Variants in SENP1 observed in about 807,000 individuals in gnomAD.
SENP1 encodes sentrin-specific protease 1.
Under a neutral mutation model 93.0 loss-of-function variants are expected in SENP1, and 21 were observed. The ratio of observed to expected loss-of-function variants is 0.23; its 90% CI spans 0.16 to 0.33. The LOEUF (loss-of-function observed/expected upper bound fraction) is 0.33, where lower values mean the gene tolerates loss of function less well. Among genes scored for constraint, SENP1 ranks in the 10% least tolerant of loss-of-function variants. SENP1 has a pLI of 1.00. For missense variants in SENP1, 591 were observed against 758.7 expected (o/e 0.78, Z 2.60); for synonymous variants, 256 against 259.6 (o/e 0.99, Z 0.13).
At chr12:48,087,474 G>T (rs1423500208) in intron 5 of SENP1, among the ~76,000 whole-genome samples, 1 of 152,002 alleles carries the variant, frequency 6.6e-6, no homozygotes, top group African/African-American at 2.4e-5. Flanking sequence ...AATCTTTAAT[G>T]AAGACAAAAT....
intron 1 of SENP1, chr12:48,105,430 T>C (rs770417103): frequency 3.9e-6 from 2 of 518,774 alleles, no homozygotes; most frequent in African/African-American, 1.9e-5. Context: ...GTAAGCAAAT[T>C]GTGGCAGTTA....
chr12:48,102,510 G>A (rs1022330482), intron 1 of SENP1, among the ~76,000 whole-genome samples: 2 of 150,394 alleles, frequency 1.3e-5, no homozygotes, highest in African/African-American at 4.9e-5. Context: ...ACATATCCTC[G>A]GCACATATGG....
At chr12:48,064,164 T>C (rs969715511) in intron 12 of SENP1, among the ~76,000 whole-genome samples, 1 of 152,242 alleles carries the variant, frequency 6.6e-6, no homozygotes, top group African/African-American at 2.4e-5. Flanking sequence ...CTGTATTTTA[T>C]ATCTCTGGTC....
intron 5 of SENP1, among the ~76,000 whole-genome samples, chr12:48,086,655 A>AT (rs1438570160): frequency 6.6e-6 from 1 of 152,150 alleles, no homozygotes; most frequent in African/African-American, 2.4e-5. Flanking sequence ...AATACAGGTG[A>AT]TTTTTTGACA....
In SENP1 at chr12:48,090,365, A is replaced by T. The variant is rs57783574; in HGVS notation, c.221-1405T>A. ...GAGGCATCGGTCTGTCAAAAATGCA[A>T]ATTACCCTAACAGGTGTGAAATTTG... On this transcript the variant is annotated intron_variant, in intron 4 of 17. Coordinates refer to ENST00000549518, the MANE Select transcript of SENP1 (RefSeq NM_001267594.2). Among the ~76,000 whole-genome samples the T allele has an allele frequency of 4.8e-3, 724 of 152,360 alleles. 7 individuals carry two copies. Among genetic ancestry groups the T allele is most frequent in the African/African-American group, 0.016 (649 of 41,596 alleles).
chr12:48,078,346 T>C (rs1253440610), intron 6 of SENP1, among the ~76,000 whole-genome samples: 2 of 121,286 alleles, frequency 1.6e-5, no homozygotes, highest in African/African-American at 2.9e-5. Context: ...CACACACATA[T>C]ATATATACAC....
At chr12:48,099,810 AATAAT>A (rs1218018672) in intron 2 of SENP1, among the ~76,000 whole-genome samples, 5 of 152,166 alleles carry the variant, frequency 3.3e-5, no homozygotes, top group African/African-American at 1.2e-4. Context: ...CCCTGTCTCT[AATAAT>A]AATAATAATC....
rs1230576086 is a variant in SENP1, at chr12:48,043,805, T to C, written c.*1517A>G. 6.6e-6 allele frequency: 1 copy of C among 152,626 alleles called. No homozygotes were observed. Among genetic ancestry groups the C allele is most frequent in the Non-Finnish European group, 1.5e-5 (1 of 68,046 alleles). The allele number at this position is 152,626 out of a possible 1,614,324, so 9.5% of individuals were successfully genotyped here. ...AATAGTTTTCTTTTCAAATTGTAACTTGTGGTAAAACATAGAAAAATGTAC... is the reference window on the plus strand; with the variant it reads ...AATAGTTTTCTTTTCAAATTGTAACCTGTGGTAAAACATAGAAAAATGTAC... On this transcript the variant is annotated 3_prime_UTR_variant, in exon 18 of 18. Coordinates refer to ENST00000549518, the MANE Select transcript of SENP1 (RefSeq NM_001267594.2).
At chr12:48,086,724 A>G (rs887123692) in intron 5 of SENP1, among the ~76,000 whole-genome samples, 2 of 152,162 alleles carry the variant, frequency 1.3e-5, no homozygotes, top group Non-Finnish European at 2.9e-5. Flanking sequence ...CATTATACAG[A>G]AAAGTCATGT....
rs1469615271 is a variant in SENP1 at position 48,074,880 on chromosome 12, T to C, written c.553-87A>G. On this transcript the variant is annotated intron_variant, in intron 6 of 17. Transcript: ENST00000549518. ...ACTAGCATGTAAACAGAATCCTAGC[T>C]CTGCCAAAGCTCAGGCAGAATCCTT... The C allele has an allele frequency of 1.3e-5, 11 of 851,052 alleles. No homozygotes were observed. The East Asian group carries it at 2.6e-4, about 20-fold the overall frequency. The allele number at this position is 851,052 out of a possible 1,614,324, so 52.7% of individuals were successfully genotyped here. A position where few individuals can be genotyped will look rare whatever the true frequency, so the allele number is the denominator to read the frequency against.
At position 48,105,915 on chromosome 12, in the gene SENP1, T is replaced by G. The variant is rs1488364094; in HGVS notation, c.-45+113A>C. On this transcript the variant is annotated intron_variant, in intron 1 of 17. Transcript: ENST00000549518. ...AGAGGAAAAGGCGCCGGCCCCACAGTGCTCCCCGCTTCCGCCCAGTCCAGC... is the reference window on the plus strand; with the variant it reads ...AGAGGAAAAGGCGCCGGCCCCACAGGGCTCCCCGCTTCCGCCCAGTCCAGC... 3 of 655,932 alleles carry G rather than the reference T, an allele frequency of 4.6e-6. No individual in the cohort carries two copies. The African/African-American group carries it at 5.4e-5, about 12-fold the overall frequency. The allele number at this position is 655,932 out of a possible 1,614,324, so 40.6% of individuals were successfully genotyped here. A position where few individuals can be genotyped will look rare whatever the true frequency, so the allele number is the denominator to read the frequency against.
chr12:48,097,903 A>G, intron 3 of SENP1, 91 bp downstream of exon 3: 1 of 1,176,416 alleles, frequency 8.5e-7, no homozygotes. Context: ...CTATGCTTGT[A>G]TTTTTGAGTG....
At chr12:48,063,686 A>T in intron 13 of SENP1, 24 bp downstream of exon 13, 1 of 1,597,040 alleles carries the variant, frequency 6.3e-7, no homozygotes, top group Non-Finnish European at 8.5e-7. Flanking sequence ...TACTATTTGT[A>T]TGTAAAAATA....
At chr12:48,054,030 A>G (rs1335410978) in intron 13 of SENP1, among the ~76,000 whole-genome samples, 3 of 152,120 alleles carry the variant, frequency 2.0e-5, no homozygotes, top group Non-Finnish European at 2.9e-5. Flanking sequence ...TCTTGGGGGG[A>G]AAATAATAGA....
chr12:48,049,650 T>C (rs933395595), intron 13 of SENP1, among the ~76,000 whole-genome samples: 6 of 152,208 alleles, frequency 3.9e-5, no homozygotes, highest in Non-Finnish European at 7.3e-5. Flanking sequence ...CTCTGCTCCA[T>C]GGTTAAAGAC....
At chr12:48,104,014 C>T (rs1358392335) in intron 1 of SENP1, among the ~76,000 whole-genome samples, 3 of 151,938 alleles carry the variant, frequency 2.0e-5, no homozygotes, top group Non-Finnish European at 4.4e-5. Context: ...AGTTCAAGAC[C>T]GGCCTGGCTA....
At chr12:48,067,661 T>C (rs988239023) in intron 9 of SENP1, among the ~76,000 whole-genome samples, 10 of 152,036 alleles carry the variant, frequency 6.6e-5, no homozygotes, top group African/African-American at 2.4e-4. Flanking sequence ...AAACAGAGCA[T>C]CAAATTGGGA....
chr12:48,047,541 A>G (rs1941461204), intron 15 of SENP1, among the ~76,000 whole-genome samples: 1 of 152,186 alleles, frequency 6.6e-6, no homozygotes, highest in Non-Finnish European at 1.5e-5. Flanking sequence ...TTAAGTGCAA[A>G]CTGTTCACCA....
At chr12:48,074,823 T>A in intron 6 of SENP1, 30 bp from the exon 7 acceptor site, 2 of 1,397,250 alleles carry the variant, frequency 1.4e-6, no homozygotes, top group Non-Finnish European at 2.0e-6. Context: ...AAAAACAGTT[T>A]AAACACATCC....
Sources: allele counts gnomAD v4.1 joint callset (sites outside exome capture counted in the v4.1 genomes callset), GRCh38; gene constraint gnomAD v4.1.1; transcripts MANE v1.5; gene names NCBI Gene and HGNC (gene_info 2026-07-23, HGNC 2026-07-21).